CD2AP: variants seen among roughly 807,000 people sequenced by gnomAD.
The protein encoded by CD2AP is CD2 associated protein, also known as CD2-associated protein.
Under a neutral mutation model 85.1 loss-of-function variants are expected in CD2AP, and 46 were observed. The observed-to-expected ratio is 0.54, with a 90% CI of 0.43 to 0.69. The LOEUF (loss-of-function observed/expected upper bound fraction) is 0.69, where lower values mean the gene tolerates loss of function less well. Ranked by LOEUF, CD2AP falls within the 30% of genes least tolerant of loss-of-function variation. CD2AP has a pLI of 0.00. For synonymous variants in CD2AP, 255 were observed against 252.9 expected (o/e 1.01, Z -0.08); for missense variants, 769 against 729.5 (o/e 1.05, Z -0.62).
chr6:47,536,624 C>T (rs1389010888), intron 3 of CD2AP, among the ~76,000 whole-genome samples: 1 of 152,106 alleles, frequency 6.6e-6, no homozygotes, highest in Non-Finnish European at 1.5e-5. Context: ...TTGCTATGAT[C>T]CATTGCTAAG....
At chr6:47,482,703 C>A (rs562134599) in intron 1 of CD2AP, among the ~76,000 whole-genome samples, 2 of 152,132 alleles carry the variant, frequency 1.3e-5, no homozygotes, top group East Asian at 3.9e-4. Context: ...GAGGGATTTG[C>A]AAACTAAAAT....
chr6:47,552,072 T>C lies in CD2AP; in HGVS notation c.421-2574T>C, dbSNP rs148759154. Among the ~76,000 whole-genome samples the C allele has an allele frequency of 2.5e-3, 384 of 152,184 alleles. 1 individual carries two copies. The highest frequency in any genetic ancestry group is 8.5e-3 in the African/African-American group (352 of 41,516). On this transcript the variant is annotated intron_variant, in intron 4 of 17. Coordinates refer to ENST00000359314, the MANE Select transcript of CD2AP (RefSeq NM_012120.3). Reference sequence around the variant, plus strand: ...GGTGGGAGGAGTGTCAAGGTCACAATTGTAGGATGAGAGATCTTCTTACAG... The same window carrying C: ...GGTGGGAGGAGTGTCAAGGTCACAACTGTAGGATGAGAGATCTTCTTACAG...
chr6:47,551,411 G>A (rs1355985731), intron 4 of CD2AP, among the ~76,000 whole-genome samples: 1 of 152,036 alleles, frequency 6.6e-6, no homozygotes, highest in African/African-American at 2.4e-5. Context: ...TACAAAGGCT[G>A]TTCTATTTTA....
At chr6:47,598,475 G>A (rs907797691) in intron 12 of CD2AP, among the ~76,000 whole-genome samples, 8 of 150,806 alleles carry the variant, frequency 5.3e-5, no homozygotes, top group African/African-American at 9.7e-5. Context: ...AGCACAATTC[G>A]CAATTGCAAA....
At chr6:47,596,082 T>A (rs1768936558) in intron 12 of CD2AP, 56 bp downstream of exon 12, 10 of 1,229,212 alleles carry the variant, frequency 8.1e-6, no homozygotes, top group Non-Finnish European at 1.2e-5. Context: ...TTGACCTTAA[T>A]GGCTCTATTG....
intron 9 of CD2AP, among the ~76,000 whole-genome samples, 177 bp from the exon 10 acceptor site, chr6:47,580,687 A>C (rs1050902840): frequency 6.6e-6 from 1 of 152,164 alleles, no homozygotes; most frequent in Non-Finnish European, 1.5e-5. Flanking sequence ...CTAATGAAAT[A>C]ATTTGTTGTC....
At chr6:47,621,897 G>T (rs1825566) in intron 17 of CD2AP, among the ~76,000 whole-genome samples, 2 of 151,962 alleles carry the variant, frequency 1.3e-5, no homozygotes, top group African/African-American at 4.8e-5. Context: ...GGGCGGGGCC[G>T]TAGAACTCCC....
At chr6:47,507,251 CACTT>C in intron 2 of CD2AP, among the ~76,000 whole-genome samples, 1 of 152,306 alleles carries the variant, frequency 6.6e-6, no homozygotes, top group Non-Finnish European at 1.5e-5. Flanking sequence ...TAACTTCCCC[CACTT>C]AGTCTTGAAC....
chr6:47,528,849 G>T (rs545644398), intron 2 of CD2AP, among the ~76,000 whole-genome samples: 1 of 152,202 alleles, frequency 6.6e-6, no homozygotes, highest in East Asian at 1.9e-4. Context: ...AAAAAATCAG[G>T]CTGTTTGCTT....
At chr6:47,605,623 C>CAT (rs1241224434) in intron 13 of CD2AP, among the ~76,000 whole-genome samples, 1 of 152,030 alleles carries the variant, frequency 6.6e-6, no homozygotes, top group African/African-American at 2.4e-5. Context: ...ATACTGTGCA[C>CAT]ATATATATAC....
At chr6:47,622,363 C>T (rs529406647) in intron 17 of CD2AP, among the ~76,000 whole-genome samples, 2 of 152,288 alleles carry the variant, frequency 1.3e-5, no homozygotes, top group East Asian at 3.9e-4. Flanking sequence ...GGAGGTCTCT[C>T]GCCCCGTTCA....
At chr6:47,615,797 ATTT>A (rs1394806053) in intron 17 of CD2AP, among the ~76,000 whole-genome samples, 146 of 123,854 alleles carry the variant, frequency 1.2e-3, no homozygotes, top group South Asian at 7.9e-3. Flanking sequence ...AATTTAATTT[ATTT>A]ATTTATTTAT....
At chr6:47,622,932 A>T (rs1769798725) in intron 17 of CD2AP, among the ~76,000 whole-genome samples, 3 of 152,216 alleles carry the variant, frequency 2.0e-5, no homozygotes, top group African/African-American at 7.2e-5. Flanking sequence ...CTGATTATGC[A>T]TGCAGTAGTA....
At chr6:47,568,906 A>G (rs1265817691) in intron 5 of CD2AP, among the ~76,000 whole-genome samples, 1 of 152,204 alleles carries the variant, frequency 6.6e-6, no homozygotes. Flanking sequence ...AAGAAAGCAC[A>G]GAAGGAGAGA....
intron 2 of CD2AP, among the ~76,000 whole-genome samples, chr6:47,520,628 G>A (rs756689277): frequency 1.3e-5 from 2 of 152,086 alleles, no homozygotes; most frequent in Admixed American, 1.3e-4. Flanking sequence ...GGCGAAAGTG[G>A]GGTCTATGGT....
chr6:47,486,036 A>G (rs961752773), intron 1 of CD2AP, among the ~76,000 whole-genome samples: 2 of 152,220 alleles, frequency 1.3e-5, no homozygotes, highest in African/African-American at 4.8e-5. Flanking sequence ...AAGTGTGGTG[A>G]TAGTTACAGT....
At chr6:47,561,855 A>C (rs1299499033) in intron 5 of CD2AP, among the ~76,000 whole-genome samples, 1 of 152,158 alleles carries the variant, frequency 6.6e-6, no homozygotes, top group Non-Finnish European at 1.5e-5. Context: ...ATCTTGGCTC[A>C]CTGCAACCTC....
intron 13 of CD2AP, among the ~76,000 whole-genome samples, chr6:47,600,598 G>T (rs1256080600): frequency 6.6e-6 from 1 of 151,738 alleles, no homozygotes; most frequent in Non-Finnish European, 1.5e-5. Flanking sequence ...TAATTTCTGG[G>T]AATTGAAATG....
chr6:47,585,626 T>C (rs1256144710), intron 11 of CD2AP, among the ~76,000 whole-genome samples: 2 of 152,012 alleles, frequency 1.3e-5, no homozygotes, highest in South Asian at 2.1e-4. Context: ...GCAGCTACAA[T>C]TTGTGGGGCA....
Sources: allele counts gnomAD v4.1 joint callset (sites outside exome capture counted in the v4.1 genomes callset), GRCh38; gene constraint gnomAD v4.1.1; transcripts MANE v1.5; gene names NCBI Gene and HGNC (gene_info 2026-07-23, HGNC 2026-07-21).